Variants in MCC observed in about 807,000 individuals in gnomAD.
MCC encodes colorectal mutant cancer protein.
Under a neutral mutation model 116.2 loss-of-function variants are expected in MCC, and 90 were observed. That is an observed-to-expected ratio of 0.77 (90% CI 0.65 to 0.92). The LOEUF (loss-of-function observed/expected upper bound fraction) is 0.92, where lower values mean the gene tolerates loss of function less well. MCC is among the 40% of genes least tolerant of loss of function. The pLI is 0.00. For missense variants in MCC, 1,516 were observed against 1,312.2 expected (o/e 1.16, Z -2.40); for synonymous variants, 578 against 510.5 (o/e 1.13, Z -1.78).
chr5:113,297,860 G>T (rs1411143462), intron 3 of MCC, among the ~76,000 whole-genome samples: 1 of 151,666 alleles, frequency 6.6e-6, no homozygotes, highest in African/African-American at 2.4e-5. Context: ...AAAACAACTT[G>T]TAGATCTAGA....
At chr5:113,147,969 C>G (rs935132030) in intron 4 of MCC, among the ~76,000 whole-genome samples, 1 of 152,142 alleles carries the variant, frequency 6.6e-6, no homozygotes, top group African/African-American at 2.4e-5. Flanking sequence ...ACTTGTTTTC[C>G]AAAGATAAGG....
rs575454453 is a variant in MCC at position 113,457,223 on chromosome 5, G to A, written c.170+31022C>T. On this transcript the variant is annotated intron_variant, in intron 1 of 18. Coordinates refer to ENST00000408903, the MANE Select transcript of MCC (RefSeq NM_001085377.2). ...AGTTCCAGGTGGGCCTGGGCTTGGC[G>A]GGCCCCACACTCGGAGCAGCTGGCT... Among the ~76,000 whole-genome samples the A allele has an allele frequency of 2.0e-4, 31 of 152,348 alleles. 1 individual carries two copies. Among genetic ancestry groups the A allele is most frequent in the Admixed American group, 9.1e-4 (14 of 15,308 alleles).
At chr5:113,313,670 C>T (rs1767194451) in intron 3 of MCC, among the ~76,000 whole-genome samples, 1 of 152,192 alleles carries the variant, frequency 6.6e-6, no homozygotes, top group Admixed American at 6.5e-5. Flanking sequence ...GTTCTTTATG[C>T]ATCATCTGGT....
Position 113,294,876 on chromosome 5 carries a change from G to A in MCC, c.627+45643C>T, listed in dbSNP as rs1378460910. 3.0e-6 allele frequency: 3 copies of A among 985,802 alleles called. No individual in the cohort carries two copies. The African/African-American group carries it at 5.2e-5, about 17-fold the overall frequency. The allele number at this position is 985,802 out of a possible 1,614,324, so 61.1% of individuals were successfully genotyped here. A position where few individuals can be genotyped will look rare whatever the true frequency, so the allele number is the denominator to read the frequency against. ...GATTCCAGAGAAGGAAAGAAAGCTAGAGGGAGCCGGAGCGGAGCTGCACTT... is the reference window on the plus strand; with the variant it reads ...GATTCCAGAGAAGGAAAGAAAGCTAAAGGGAGCCGGAGCGGAGCTGCACTT... On this transcript the variant is annotated intron_variant, in intron 3 of 18. Transcript: ENST00000408903.
At chr5:113,310,628 T>C (rs1767114330) in intron 3 of MCC, among the ~76,000 whole-genome samples, 1 of 152,238 alleles carries the variant, frequency 6.6e-6, no homozygotes, top group African/African-American at 2.4e-5. Flanking sequence ...ACCTTTTTCA[T>C]TTGAAATTAT....
At chr5:113,221,873 C>T (rs979701571) in intron 3 of MCC, among the ~76,000 whole-genome samples, 4 of 150,448 alleles carry the variant, frequency 2.7e-5, no homozygotes, top group Non-Finnish European at 4.4e-5. Flanking sequence ...AATAATACAA[C>T]TCCAGTCTCC....
At chr5:113,200,982 T>G (rs1274921864) in intron 3 of MCC, among the ~76,000 whole-genome samples, 2 of 152,234 alleles carry the variant, frequency 1.3e-5, no homozygotes, top group Admixed American at 1.3e-4. Flanking sequence ...GCAGGTTATT[T>G]GGAGTATGAT....
At chr5:113,032,821 A>G (rs1447259797) in intron 17 of MCC, among the ~76,000 whole-genome samples, 2 of 152,226 alleles carry the variant, frequency 1.3e-5, no homozygotes, top group East Asian at 3.8e-4. Flanking sequence ...AGCAAACCCA[A>G]GACGGCCACA....
At chr5:113,080,774 CACAT>C (rs919593941) in intron 11 of MCC, among the ~76,000 whole-genome samples, 2 of 143,748 alleles carry the variant, frequency 1.4e-5, no homozygotes, top group African/African-American at 5.2e-5. Flanking sequence ...GCACGTTGTG[CACAT>C]ATACCCTAGA....
intron 3 of MCC, among the ~76,000 whole-genome samples, chr5:113,316,039 T>C (rs1180249889): frequency 6.6e-6 from 1 of 152,092 alleles, no homozygotes; most frequent in Non-Finnish European, 1.5e-5. Flanking sequence ...GGGCAGATCA[T>C]GAGGTCAGGA....
chr5:113,436,278 C>T (rs1561571801), intron 1 of MCC: 1 of 152,720 alleles, frequency 6.5e-6, no homozygotes, highest in East Asian at 1.9e-4. Context: ...CCTCCTTCTC[C>T]TTCCTGCTGG....
At chr5:113,234,706 C>A (rs1299323704) in intron 3 of MCC, 1 of 152,214 alleles carries the variant, frequency 6.6e-6, no homozygotes, top group Non-Finnish European at 1.5e-5. Context: ...GACTCTTCTT[C>A]CTGCCCATTT....
chr5:113,232,351 T>G (rs1763966973), intron 3 of MCC, among the ~76,000 whole-genome samples: 1 of 152,026 alleles, frequency 6.6e-6, no homozygotes, highest in Admixed American at 6.6e-5. Flanking sequence ...GAATGAGGAG[T>G]CCAGTTACAT....
chr5:113,029,793 T>C (rs1028626451), intron 17 of MCC, among the ~76,000 whole-genome samples: 24 of 152,236 alleles, frequency 1.6e-4, no homozygotes, highest in African/African-American at 5.8e-4. Flanking sequence ...TCGACTACTC[T>C]GACTCCCTTC....
intron 3 of MCC, chr5:113,269,342 A>T (rs1020586307): frequency 3.4e-5 from 11 of 324,548 alleles, no homozygotes; most frequent in Non-Finnish European, 4.9e-5. Context: ...ACTGATAAAG[A>T]ATGCTTATGT....
chr5:113,102,786 T>C (rs1469970442), intron 7 of MCC, among the ~76,000 whole-genome samples: 1 of 151,420 alleles, frequency 6.6e-6, no homozygotes, highest in Non-Finnish European at 1.5e-5. Context: ...GGAGAATTAC[T>C]ATGAAGAGGT....
intron 6 of MCC, among the ~76,000 whole-genome samples, chr5:113,115,201 T>G (rs901761329): frequency 1.3e-5 from 2 of 152,060 alleles, no homozygotes; most frequent in Admixed American, 1.3e-4. Context: ...GTGCTCCTCC[T>G]CCCTTGAGGG....
chr5:113,399,764 A>G (rs1007594090), intron 1 of MCC, among the ~76,000 whole-genome samples: 1 of 152,274 alleles, frequency 6.6e-6, no homozygotes, highest in Non-Finnish European at 1.5e-5. Flanking sequence ...GATTTATAGG[A>G]CTTCTGGGGC....
intron 3 of MCC, among the ~76,000 whole-genome samples, chr5:113,226,235 G>C (rs976118682): frequency 2.2e-4 from 34 of 152,146 alleles, no homozygotes; most frequent in African/African-American, 7.5e-4. Context: ...TTCTGGAGAG[G>C]AAAAAAAGTT....
Sources: gnomAD v4.1 joint callset for allele counts (sites outside exome capture counted in the v4.1 genomes callset) on GRCh38, gnomAD v4.1.1 for gene constraint, MANE v1.5 for transcripts, NCBI Gene and HGNC (gene_info 2026-07-23, HGNC 2026-07-21) for gene names.